FZR1: variants seen among roughly 807,000 people sequenced by gnomAD.
FZR1 encodes the protein fizzy and cell division cycle 20 related 1, also known as fizzy-related protein homolog.
In FZR1, 11 loss-of-function variants were observed where a neutral mutation model predicts 63.6. That is an observed-to-expected ratio of 0.17 (90% confidence interval 0.11 to 0.29). The LOEUF is 0.29. Among genes scored for constraint, FZR1 ranks in the 10% least tolerant of loss-of-function variants. The pLI, the probability that FZR1 is intolerant of heterozygous loss-of-function variation, is 1.00. For synonymous variants in FZR1, 328 were observed against 297.9 expected, an observed-to-expected ratio of 1.10 and a Z score of -1.04; for missense variants, 440 against 687.5, an observed-to-expected ratio of 0.64 and a Z score of 4.03.
intron 2 of FZR1, among the ~76,000 whole-genome samples, chr19:3,523,626 C>T (rs1474603562): frequency 6.6e-6 from 1 of 152,244 alleles, no homozygotes; most frequent in Non-Finnish European, 1.5e-5. Flanking sequence ...AAGCCTGGGT[C>T]GGAATAGCAT....
At position 3,535,001 on chromosome 19, in the gene FZR1, T is replaced by A. The variant is rs2083282659; in HGVS notation, c.*165T>A. On this transcript the variant is annotated 3_prime_UTR_variant, in exon 14 of 14. Transcript: ENST00000441788. Reference sequence around the variant, plus strand: ...CCTGGAGTCTCATTAAATGCCTGATTGTGAACCATGTCCACCAGTATCTGG... The same window carrying A: ...CCTGGAGTCTCATTAAATGCCTGATAGTGAACCATGTCCACCAGTATCTGG... 1 of 631,442 alleles carries A rather than the reference T, an allele frequency of 1.6e-6. No homozygotes were observed. The highest frequency in any genetic ancestry group is 1.8e-5 in the South Asian group (1 of 55,220). The allele number at this position is 631,442 out of a possible 1,614,324, so 39.1% of individuals were successfully genotyped here. A position where few individuals can be genotyped will look rare whatever the true frequency, so the allele number is the denominator to read the frequency against.
intron 2 of FZR1, among the ~76,000 whole-genome samples, chr19:3,523,890 A>T (rs1239139282): frequency 6.6e-6 from 1 of 152,106 alleles, no homozygotes; most frequent in African/African-American, 2.4e-5. Flanking sequence ...TTCAGACCCC[A>T]AAGCCTGGGT....
At chr19:3,513,841 G>A (rs546918948) in intron 1 of FZR1, among the ~76,000 whole-genome samples, 23 of 152,286 alleles carry the variant, frequency 1.5e-4, no homozygotes, top group African/African-American at 5.5e-4. Context: ...CAGGGTGGGG[G>A]GATGCCCTGG....
At position 3,530,839 on chromosome 19, in the gene FZR1, C is replaced by A. The variant is rs543234409; in HGVS notation, c.702C>A (p.Ser234=). ...DLSVEGDSVT[S]VGWSERGNLV... Reference sequence around the variant, plus strand: ...CAGTGGAAGGGGACTCAGTGACCTCCGTGGGCTGGTCTGAGCGGGTGAGTG... The same window carrying A: ...CAGTGGAAGGGGACTCAGTGACCTCAGTGGGCTGGTCTGAGCGGGTGAGTG... Residue 234 remains serine, a synonymous_variant, in exon 8 of 14, where the codon TCC becomes TCA. Coordinates refer to ENST00000441788, the MANE Select transcript of FZR1 (RefSeq NM_016263.4). The A allele has an allele frequency of 1.2e-6, 2 of 1,612,672 alleles. No individual in the cohort carries two copies. The highest frequency in any genetic ancestry group is 1.1e-5 in the South Asian group (1 of 90,986).
intron 1 of FZR1, among the ~76,000 whole-genome samples, chr19:3,517,908 T>C (rs1361546084): frequency 1.3e-5 from 2 of 148,846 alleles, no homozygotes; most frequent in African/African-American, 4.9e-5. Context: ...TTGCCCAGGC[T>C]GGAGTGCAGT....
At chr19:3,527,987 A>C (rs1599786230) in intron 7 of FZR1, among the ~76,000 whole-genome samples, 173 bp downstream of exon 7, 2 of 129,994 alleles carry the variant, frequency 1.5e-5, no homozygotes, top group East Asian at 2.5e-4. Context: ...CTACCCTCCC[A>C]GCCCTCCCAG....
intron 2 of FZR1, 116 bp downstream of exon 2, chr19:3,523,174 C>T: frequency 1.3e-6 from 1 of 754,436 alleles, no homozygotes; most frequent in Admixed American, 1.8e-5. Context: ...CACTCAGGTC[C>T]CAGTCCCCCA....
In FZR1 at chr19:3,527,142, C is replaced by T. The variant is rs548572157; in HGVS notation, c.470+80C>T. On this transcript the variant is annotated intron_variant, in intron 6 of 13. Transcript: ENST00000441788. ...AAGAGGTGGGTCCCAGCTTCCTCCG[C>T]AGCCCTGTCCCTGCGGGTCCTGGTG... The T allele has an allele frequency of 1.0e-5, 12 of 1,144,296 alleles. 1 individual carries two copies. In the African/African-American group the frequency reaches 1.1e-4, roughly 10 times the overall value. The allele number at this position is 1,144,296 out of a possible 1,614,324, so 70.9% of individuals were successfully genotyped here.
Position 3,537,656 on chromosome 19 carries a change from G to A in FZR1, c.*2820G>A, listed in dbSNP as rs191514164. On this transcript the variant is annotated 3_prime_UTR_variant, in exon 14 of 14. Transcript: ENST00000441788. Reference sequence around the variant, plus strand: ...CCGGGGGCTGCAGGGGAGGCTGTGGGGGTCCTGGCAGCCAGGAGGCCCCAG... The same window carrying A: ...CCGGGGGCTGCAGGGGAGGCTGTGGAGGTCCTGGCAGCCAGGAGGCCCCAG... 546 of 153,224 alleles carry A rather than the reference G, an allele frequency of 3.6e-3. 3 individuals carry two copies. The highest frequency in any genetic ancestry group is 5.9e-3 in the Admixed American group (90 of 15,322). 9.5% of individuals were successfully genotyped at this position (153,224 alleles called of 1,614,324 possible). A position where few individuals can be genotyped will look rare whatever the true frequency, so the allele number is the denominator to read the frequency against.
rs2029914494 is a variant in FZR1, at chr19:3,535,576, T to C, written c.*740T>C. The C allele has an allele frequency of 6.6e-6, 1 of 152,566 alleles. No individual in the cohort carries two copies. Among genetic ancestry groups the C allele is most frequent in the Non-Finnish European group, 1.5e-5 (1 of 68,290 alleles). 9.5% of individuals were successfully genotyped at this position (152,566 alleles called of 1,614,324 possible). A position where few individuals can be genotyped will look rare whatever the true frequency, so the allele number is the denominator to read the frequency against. On this transcript the variant is annotated 3_prime_UTR_variant, in exon 14 of 14. Coordinates refer to ENST00000441788, the MANE Select transcript of FZR1 (RefSeq NM_016263.4). Reference sequence around the variant, plus strand: ...CCTCACACTGGAGGAGGATGTCTGCTCTGGACTTATCACCCCAGGAGAACT... The same window carrying C: ...CCTCACACTGGAGGAGGATGTCTGCCCTGGACTTATCACCCCAGGAGAACT...
intron 7 of FZR1, among the ~76,000 whole-genome samples, chr19:3,528,430 C>G (rs1419430781): frequency 1.3e-5 from 2 of 152,260 alleles, no homozygotes; most frequent in Non-Finnish European, 2.9e-5. Flanking sequence ...CTGCCCTCAC[C>G]ATTTGAGCGT....
At chr19:3,529,824 G>A (rs374671024) in intron 7 of FZR1, among the ~76,000 whole-genome samples, 3 of 110,858 alleles carry the variant, frequency 2.7e-5, no homozygotes, top group African/African-American at 1.7e-4. Flanking sequence ...GAGTGGATGG[G>A]TGAGCGGATG....
In FZR1 at chr19:3,533,042, G is replaced by A. The variant is rs1715741007; in HGVS notation, c.1243-252G>A. On this transcript the variant is annotated intron_variant, in intron 11 of 13. Transcript: ENST00000441788. The surrounding 1 kb of genome is among the most constrained non-coding windows in gnomAD (Gnocchi z 4.9). ...GGGGGTGACTTGCAGGTGGGGCAGA[G>A]GGGCTGTGGGCCCCGTTTGGGTCCT... 6.6e-6 allele frequency among the ~76,000 whole-genome samples: 1 copy of A among 152,174 alleles called. No individual in the cohort carries two copies. The highest frequency in any genetic ancestry group is 2.4e-5 in the African/African-American group (1 of 41,426).
At chr19:3,521,008 A>G (rs1490640652) in intron 1 of FZR1, among the ~76,000 whole-genome samples, 2 of 152,214 alleles carry the variant, frequency 1.3e-5, no homozygotes, top group African/African-American at 4.8e-5. Flanking sequence ...CAACGTCCTC[A>G]GGGCGTGTCC....
chr19:3,520,279 G>A (rs530339308), intron 1 of FZR1, among the ~76,000 whole-genome samples: 22 of 152,310 alleles, frequency 1.4e-4, no homozygotes, highest in African/African-American at 5.3e-4. Flanking sequence ...CATTCTGGGC[G>A]AGGGAGAAGG....
intron 2 of FZR1, among the ~76,000 whole-genome samples, chr19:3,524,403 C>T (rs1464558562): frequency 6.6e-6 from 1 of 152,224 alleles, no homozygotes; most frequent in East Asian, 1.9e-4. Flanking sequence ...CCCGTCCTGC[C>T]CCGCAGTCAC....
At chr19:3,523,738 G>A (rs2083125195) in intron 2 of FZR1, among the ~76,000 whole-genome samples, 1 of 152,264 alleles carries the variant, frequency 6.6e-6, no homozygotes. Context: ...CTCCCCCATG[G>A]GCTGGCCTGC....
At chr19:3,513,686 G>A (rs528527421) in intron 1 of FZR1, among the ~76,000 whole-genome samples, 61 of 152,284 alleles carry the variant, frequency 4.0e-4, no homozygotes, top group East Asian at 2.3e-3. Flanking sequence ...GAGCCCGCAC[G>A]GGATGTGGCG....
chr19:3,524,884 T>G (rs1175412287), intron 2 of FZR1, among the ~76,000 whole-genome samples: 1 of 152,198 alleles, frequency 6.6e-6, no homozygotes, highest in Non-Finnish European at 1.5e-5. Context: ...CTCACCCTAA[T>G]GGCTTCCTCT....
Sources: allele counts gnomAD v4.1 joint callset (sites outside exome capture counted in the v4.1 genomes callset), GRCh38; gene constraint gnomAD v4.1.1; non-coding constraint Gnocchi (gnomAD v3.1); transcripts MANE v1.5; gene names NCBI Gene and HGNC (gene_info 2026-07-23, HGNC 2026-07-21).